Variants in PDSS2 observed in about 807,000 individuals in gnomAD.
PDSS2 encodes all trans-polyprenyl-diphosphate synthase PDSS2.
A neutral mutation model predicts 44.5 loss-of-function variants in PDSS2; 31 were observed. The ratio of observed to expected loss-of-function variants is 0.70; its 90% CI spans 0.52 to 0.94. PDSS2 has a LOEUF of 0.94. Ranked by LOEUF, PDSS2 falls within the 40% of genes least tolerant of loss-of-function variation. The pLI is 0.00. For synonymous variants in PDSS2, 157 were observed against 180.3 expected (o/e 0.87, Z 1.03); for missense variants, 452 against 482.2 (o/e 0.94, Z 0.59).
intron 6 of PDSS2, among the ~76,000 whole-genome samples, chr6:107,199,348 C>G (rs1016751391): frequency 1.3e-5 from 2 of 152,214 alleles, no homozygotes; most frequent in African/African-American, 4.8e-5. Flanking sequence ...GTCACCCAGG[C>G]TGAGTGCAGT....
chr6:107,211,641 A>T (rs1773216308), intron 5 of PDSS2, among the ~76,000 whole-genome samples: 1 of 151,898 alleles, frequency 6.6e-6, no homozygotes, highest in Admixed American at 6.6e-5. Flanking sequence ...GAGGCAGGAG[A>T]ATCGCTTGAA....
intron 3 of PDSS2, among the ~76,000 whole-genome samples, chr6:107,248,041 G>A (rs1016172023): frequency 3.3e-5 from 5 of 151,656 alleles, no homozygotes; most frequent in Non-Finnish European, 5.9e-5. Flanking sequence ...AAAGAAAGAT[G>A]TGTTTAAGTA....
In PDSS2 at chr6:107,336,139, C is replaced by G. The variant is rs561728047; in HGVS notation, c.297-1807G>C. Among the ~76,000 whole-genome samples, 477 of 151,622 alleles carry G rather than the reference C, an allele frequency of 3.1e-3. 2 individuals carry two copies. The highest frequency in any genetic ancestry group is 5.3e-3 in the Non-Finnish European group (360 of 67,950). On this transcript the variant is annotated intron_variant, in intron 1 of 7. Coordinates refer to ENST00000369037, the MANE Select transcript of PDSS2 (RefSeq NM_020381.4). The stretch of plus-strand genomic sequence containing the variant: ...GCGTGGTGGCAGGTACCTGTAATCT[C>G]AGCTACTCAGGGGGCTGAGGCAGGA...
intron 2 of PDSS2, among the ~76,000 whole-genome samples, chr6:107,307,286 T>C (rs1776890483): frequency 6.6e-6 from 1 of 152,218 alleles, no homozygotes; most frequent in Non-Finnish European, 1.5e-5. Context: ...AAGCCTGGCA[T>C]GGATAAAAAT....
At chr6:107,393,728 CTG>C (rs2114542346) in intron 1 of PDSS2, among the ~76,000 whole-genome samples, 1 of 152,246 alleles carries the variant, frequency 6.6e-6, no homozygotes, top group Admixed American at 6.5e-5. Context: ...GATGAATTGA[CTG>C]TTTTATGATT....
chr6:107,270,015 T>C (rs116281493), intron 3 of PDSS2, among the ~76,000 whole-genome samples: 2,560 of 152,076 alleles, frequency 0.017, 73 homozygotes, highest in African/African-American at 0.059. Context: ...AATACCACTG[T>C]TGGGGGCACA....
chr6:107,206,724 G>T (rs946160680), intron 6 of PDSS2, among the ~76,000 whole-genome samples: 114 of 152,160 alleles, frequency 7.5e-4, no homozygotes, highest in African/African-American at 2.7e-3. Context: ...GAAAGTTTAT[G>T]AATTTGTGTT....
chr6:107,310,412 T>C (rs1777006385), intron 2 of PDSS2, among the ~76,000 whole-genome samples: 1 of 152,014 alleles, frequency 6.6e-6, no homozygotes, highest in Non-Finnish European at 1.5e-5. Context: ...GTAATCACCA[T>C]GCCCAGAGAG....
chr6:107,283,613 G>T (rs1161990900), intron 2 of PDSS2, among the ~76,000 whole-genome samples: 2 of 152,038 alleles, frequency 1.3e-5, no homozygotes, highest in Admixed American at 1.3e-4. Flanking sequence ...CCAGCTACTT[G>T]GGAGGCTGAG....
chr6:107,437,516 C>T (rs112646764), intron 1 of PDSS2, among the ~76,000 whole-genome samples: 10,151 of 120,776 alleles, frequency 0.084, 429 homozygotes, highest in Non-Finnish European at 0.1. Flanking sequence ...CAGAGTGAGA[C>T]CCTGTCTCCA....
At chr6:107,175,187 G>A (rs1338141535) in intron 7 of PDSS2, among the ~76,000 whole-genome samples, 1 of 149,512 alleles carries the variant, frequency 6.7e-6, no homozygotes, top group Non-Finnish European at 1.5e-5. Context: ...ACTCCAGCCT[G>A]GGCGACAGAG....
At chr6:107,242,169 A>C (rs1170371758) in intron 4 of PDSS2, among the ~76,000 whole-genome samples, 1 of 152,192 alleles carries the variant, frequency 6.6e-6, no homozygotes, top group Non-Finnish European at 1.5e-5. Flanking sequence ...GTTAACCTAA[A>C]TTGGACCTGA....
chr6:107,306,626 G>T (rs1426526532), intron 2 of PDSS2, among the ~76,000 whole-genome samples: 1 of 152,158 alleles, frequency 6.6e-6, no homozygotes, highest in African/African-American at 2.4e-5. Flanking sequence ...GAATGCATAT[G>T]TTCCAGAAAT....
intron 1 of PDSS2, among the ~76,000 whole-genome samples, chr6:107,395,824 C>T (rs1034997494): frequency 4.0e-5 from 6 of 151,842 alleles, no homozygotes; most frequent in African/African-American, 1.2e-4. Flanking sequence ...TACTGTATGC[C>T]AAGTAGTTGA....
At chr6:107,221,255 T>C (rs1235203660) in intron 4 of PDSS2, among the ~76,000 whole-genome samples, 3 of 140,132 alleles carry the variant, frequency 2.1e-5, no homozygotes, top group Admixed American at 8.1e-5. Flanking sequence ...GGCAGGTGAA[T>C]GGCGTGAACC....
chr6:107,429,901 A>AAAAAAAATATATATATAT (rs1166637352), intron 1 of PDSS2, among the ~76,000 whole-genome samples: 2 of 31,840 alleles, frequency 6.3e-5, no homozygotes, highest in Non-Finnish European at 1.1e-4. Flanking sequence ...AAAAAAAAAA[A>AAAAAAAATATATATATAT]ATATATATAT....
At chr6:107,309,010 T>C (rs898550241) in intron 2 of PDSS2, among the ~76,000 whole-genome samples, 2 of 152,284 alleles carry the variant, frequency 1.3e-5, no homozygotes, top group East Asian at 1.9e-4. Flanking sequence ...TCCAGGAACA[T>C]CCTTCATCTT....
intron 1 of PDSS2, among the ~76,000 whole-genome samples, chr6:107,401,159 G>A (rs984170292): frequency 1.3e-5 from 2 of 152,130 alleles, no homozygotes; most frequent in Middle Eastern, 3.2e-3. Flanking sequence ...TGATACAACT[G>A]TACAGTACTC....
At chr6:107,328,863 C>G (rs1360596357) in intron 2 of PDSS2, among the ~76,000 whole-genome samples, 2 of 152,224 alleles carry the variant, frequency 1.3e-5, no homozygotes, top group Non-Finnish European at 2.9e-5. Context: ...CCACTGAACA[C>G]CTAGTTACAA....
Sources: allele counts gnomAD v4.1 joint callset (sites outside exome capture counted in the v4.1 genomes callset), GRCh38; gene constraint gnomAD v4.1.1; transcripts MANE v1.5; gene names NCBI Gene and HGNC (gene_info 2026-07-23, HGNC 2026-07-21).